The following LINGO2 variants were observed in gnomAD, a reference collection of about 807,000 sequenced individuals.
LINGO2 encodes the protein leucine rich repeat and Ig domain containing 2.
A neutral mutation model predicts 30.6 loss-of-function variants in LINGO2; 14 were observed. That is an observed-to-expected ratio of 0.46 (90% CI 0.30 to 0.72). LINGO2 has a LOEUF of 0.72. Among genes scored for constraint, LINGO2 ranks in the 30% least tolerant of loss-of-function variants. The probability of loss-of-function intolerance (pLI) is 0.07; values close to 1 mark genes in which losing one functional copy is unlikely to be tolerated. For synonymous variants in LINGO2, 317 were observed against 288.5 expected (o/e 1.10, Z -1.00); for missense variants, 729 against 751.7 (o/e 0.97, Z 0.35).
intron 1 of LINGO2, among the ~76,000 whole-genome samples, chr9:28,562,726 A>C (rs1303412341): frequency 6.6e-6 from 1 of 152,094 alleles, no homozygotes; most frequent in Non-Finnish European, 1.5e-5. Context: ...GACAGATTTT[A>C]TATTTTAAAA....
At chr9:28,457,014 A>G (rs1199570333) in intron 2 of LINGO2, among the ~76,000 whole-genome samples, 3 of 152,154 alleles carry the variant, frequency 2.0e-5, no homozygotes, top group African/African-American at 7.2e-5. Flanking sequence ...ATGGAGAGAG[A>G]GTACATTCCT....
chr9:29,047,795 A>G, the LINGO2 span, among the ~76,000 whole-genome samples: 1 of 152,226 alleles, frequency 6.6e-6, no homozygotes, highest in South Asian at 2.1e-4. Context: ...CAAAATCAAC[A>G]TACAAAAATC....
chr9:28,437,025 T>C (rs1291900881), intron 2 of LINGO2, among the ~76,000 whole-genome samples: 2 of 152,122 alleles, frequency 1.3e-5, no homozygotes, highest in Admixed American at 6.5e-5. Context: ...TGGTTACTTA[T>C]AGGTATCAAC....
At chr9:28,109,906 T>C (rs1030425542) in intron 4 of LINGO2, among the ~76,000 whole-genome samples, 2 of 152,176 alleles carry the variant, frequency 1.3e-5, no homozygotes, top group Admixed American at 1.3e-4. Flanking sequence ...TTAAATTTCA[T>C]ATGGAACCAA....
At chr9:29,175,057 G>C in the LINGO2 span, among the ~76,000 whole-genome samples, 1 of 152,068 alleles carries the variant, frequency 6.6e-6, no homozygotes, top group African/African-American at 2.4e-5. Flanking sequence ...TTGGGAGTTA[G>C]AGACCATCCT....
At chr9:28,777,771 C>T in the LINGO2 span, among the ~76,000 whole-genome samples, 1 of 152,138 alleles carries the variant, frequency 6.6e-6, no homozygotes, top group Non-Finnish European at 1.5e-5. Flanking sequence ...GGCTGAGTTG[C>T]TCGTGTTAAG....
At chr9:28,684,175 C>CTTTTTTTTTT in the LINGO2 span, among the ~76,000 whole-genome samples, 168 of 45,440 alleles carry the variant, frequency 3.7e-3, 20 homozygotes, top group East Asian at 8.5e-3. Flanking sequence ...AAATGTTTAT[C>CTTTTTTTTTT]TTTTTTTTTT....
At chr9:28,725,531 T>C in the LINGO2 span, among the ~76,000 whole-genome samples, 4 of 145,990 alleles carry the variant, frequency 2.7e-5, no homozygotes, top group Admixed American at 2.8e-4. Flanking sequence ...TGATAGGTTA[T>C]CTCAAAGATA....
chr9:28,871,899 CTTATT>C, the LINGO2 span, among the ~76,000 whole-genome samples: 1 of 151,852 alleles, frequency 6.6e-6, no homozygotes, highest in African/African-American at 2.4e-5. Flanking sequence ...TAATTTCTAC[CTTATT>C]TTATCTTCTG....
the LINGO2 span, among the ~76,000 whole-genome samples, chr9:29,063,778 C>A: frequency 2.6e-5 from 4 of 152,096 alleles, no homozygotes; most frequent in Non-Finnish European, 5.9e-5. Flanking sequence ...CAGGCTTTTA[C>A]TTTTCATTGT....
chr9:28,394,360 G>T (rs7019284), intron 2 of LINGO2, among the ~76,000 whole-genome samples: 51,374 of 151,966 alleles, frequency 0.34, 8,937 homozygotes, highest in Middle Eastern at 0.47. Flanking sequence ...AATGGGGATT[G>T]TTTTTTCCAT....
At chr9:28,023,112 A>G (rs1823215687) in intron 4 of LINGO2, among the ~76,000 whole-genome samples, 1 of 152,270 alleles carries the variant, frequency 6.6e-6, no homozygotes, top group South Asian at 2.1e-4. Context: ...TTAATCAGCT[A>G]TTTTAAATTC....
the LINGO2 span, among the ~76,000 whole-genome samples, chr9:28,729,279 G>A: frequency 6.6e-6 from 1 of 152,112 alleles, no homozygotes; most frequent in East Asian, 1.9e-4. Context: ...TCATTCAACA[G>A]TGCAGCTCAA....
intron 1 of LINGO2, among the ~76,000 whole-genome samples, chr9:28,492,969 T>G (rs1826458679): frequency 6.6e-6 from 1 of 152,116 alleles, no homozygotes; most frequent in African/African-American, 2.4e-5. Flanking sequence ...ATTTTATTGG[T>G]GTAGGTACAA....
intron 4 of LINGO2, among the ~76,000 whole-genome samples, chr9:28,045,393 A>G (rs1294479442): frequency 6.6e-6 from 1 of 152,168 alleles, no homozygotes; most frequent in Non-Finnish European, 1.5e-5. Context: ...CGAATTACCT[A>G]ATAAGAATCA....
At chr9:29,123,378 T>C in the LINGO2 span, among the ~76,000 whole-genome samples, 2 of 152,082 alleles carry the variant, frequency 1.3e-5, no homozygotes, top group East Asian at 3.9e-4. Flanking sequence ...ACGTTGACAC[T>C]GGTTCAAAGC....
At chr9:28,615,496 A>C (rs906299656) in intron 1 of LINGO2, among the ~76,000 whole-genome samples, 2 of 152,170 alleles carry the variant, frequency 1.3e-5, no homozygotes, top group African/African-American at 4.8e-5. Flanking sequence ...CAAAGTAGAC[A>C]CACAATAAAT....
intron 4 of LINGO2, among the ~76,000 whole-genome samples, chr9:28,158,813 T>C (rs1022348503): frequency 6.6e-6 from 1 of 152,188 alleles, no homozygotes; most frequent in African/African-American, 2.4e-5. Context: ...GCATTCACAA[T>C]ACAGCTGAAA....
the LINGO2 span, among the ~76,000 whole-genome samples, chr9:28,784,338 C>T: frequency 2.9e-4 from 44 of 152,202 alleles, no homozygotes; most frequent in Middle Eastern, 0.01. Context: ...CATTTAATTG[C>T]AGAAAGAAGC....
Sources: gnomAD v4.1 joint callset for allele counts (sites outside exome capture counted in the v4.1 genomes callset) on GRCh38, gnomAD v4.1.1 for gene constraint, MANE v1.5 for transcripts, NCBI Gene and HGNC (gene_info 2026-07-23, HGNC 2026-07-21) for gene names.